Variants in CDHR1 observed in about 807,000 individuals in gnomAD.
CDHR1 encodes cadherin related family member 1.
Under a neutral mutation model 72.1 loss-of-function variants are expected in CDHR1, and 61 were observed. That is an observed-to-expected ratio of 0.85 (90% CI 0.69 to 1.05). The LOEUF is 1.05. Ranked by LOEUF, CDHR1 falls within the 50% of genes least tolerant of loss-of-function variation. CDHR1 has a pLI of 0.00. For missense variants in CDHR1, 1,186 were observed against 1,115.7 expected, an observed-to-expected ratio of 1.06 and a Z score of -0.90; for synonymous variants, 470 against 448.1, an observed-to-expected ratio of 1.05 and a Z score of -0.62.
At chr10:84,208,508 C>G in intron 11 of CDHR1, 131 bp downstream of exon 11, 3 of 1,126,688 alleles carry the variant, frequency 2.7e-6, no homozygotes, top group Non-Finnish European at 3.9e-6. Context: ...ATGAATGAAA[C>G]AAGAAGTTGT....
Position 84,218,439 on chromosome 10 carries a change from G to T in CDHR1, c.*3818G>T. 1 of 985,420 alleles carries T rather than the reference G, an allele frequency of 1.0e-6. No individual in the cohort carries two copies. Among genetic ancestry groups the T allele is most frequent in the Non-Finnish European group, 1.2e-6 (1 of 829,924 alleles). The allele number at this position is 985,420 out of a possible 1,614,324, so 61.0% of individuals were successfully genotyped here. On this transcript the variant is annotated 3_prime_UTR_variant, in exon 17 of 17. Coordinates refer to ENST00000623527, the MANE Select transcript of CDHR1 (RefSeq NM_033100.4). ...TAATTTACTCAGCCATTCCTAGGGT[G>T]ACAAGTTTGGAGTATATCTTCTGTG...
intron 6 of CDHR1, among the ~76,000 whole-genome samples, chr10:84,201,588 A>G (rs561576849): frequency 6.6e-5 from 10 of 152,356 alleles, no homozygotes; most frequent in African/African-American, 2.2e-4. Context: ...AAGGCCCAAA[A>G]GGGAACCTTG....
chr10:84,217,766 G>A lies in CDHR1; in HGVS notation c.*3145G>A. 1.0e-6 allele frequency: 1 copy of A among 985,462 alleles called. No individual in the cohort carries two copies. Among genetic ancestry groups the A allele is most frequent in the Non-Finnish European group, 1.2e-6 (1 of 829,956 alleles). 61.0% of individuals were successfully genotyped at this position (985,462 alleles called of 1,614,324 possible). A position where few individuals can be genotyped will look rare whatever the true frequency, so the allele number is the denominator to read the frequency against. ...AAGCTTTTACTTCATGCTAGAAAAA[G>A]AGAAGAGAGTGGATCCAGAGGGGAG... is the stretch of plus-strand genomic sequence containing the variant. On this transcript the variant is annotated 3_prime_UTR_variant, in exon 17 of 17. Coordinates refer to ENST00000623527, the MANE Select transcript of CDHR1 (RefSeq NM_033100.4).
chr10:84,200,575 C>G (rs1348260448), intron 5 of CDHR1, 26 bp from the exon 6 acceptor site: 1 of 1,550,528 alleles, frequency 6.4e-7, no homozygotes, highest in Non-Finnish European at 8.9e-7. Flanking sequence ...GTCTCTGACC[C>G]TCCCCTGTGG....
chr10:84,195,807 A>G (rs962495233), intron 2 of CDHR1, among the ~76,000 whole-genome samples: 5 of 152,184 alleles, frequency 3.3e-5, no homozygotes, highest in Admixed American at 1.3e-4. Flanking sequence ...CCCCCCACAG[A>G]CAGGGTCGCC....
intron 15 of CDHR1, 32 bp from the exon 16 acceptor site, chr10:84,213,059 G>A: frequency 6.2e-7 from 1 of 1,614,154 alleles, no homozygotes; most frequent in Non-Finnish European, 8.5e-7. Context: ...TGTCCCCAAA[G>A]CCCAGCTCTG....
At position 84,212,054 on chromosome 10, in the gene CDHR1, A is replaced by G. The variant is rs899214578; in HGVS notation, c.1554-125A>G. 5 of 837,950 alleles carry G rather than the reference A, an allele frequency of 6.0e-6. No individual in the cohort carries two copies. The African/African-American group carries it at 8.4e-5, about 14-fold the overall frequency. 51.9% of individuals were successfully genotyped at this position (837,950 alleles called of 1,614,324 possible). A position where few individuals can be genotyped will look rare whatever the true frequency, so the allele number is the denominator to read the frequency against. On this transcript the variant is annotated intron_variant, in intron 14 of 16. Transcript: ENST00000623527. ...AAGGATAGGAGGGAGCAGGTAGGAC[A>G]CTTTGGAGGAGCTGCATGACACCTC... is the stretch of plus-strand genomic sequence containing the variant.
chr10:84,216,318 A>G lies in CDHR1; in HGVS notation c.*1697A>G. 2.0e-6 allele frequency: 2 copies of G among 985,468 alleles called. No individual in the cohort carries two copies. The highest frequency in any genetic ancestry group is 1.2e-6 in the Non-Finnish European group (1 of 829,946). 61.0% of individuals were successfully genotyped at this position (985,468 alleles called of 1,614,324 possible). ...GTGCAGAATCCTTGCTGGGGTTTCTACAGTCCCCAACGTGAACAGTATTAA... is the reference window on the plus strand; with the variant it reads ...GTGCAGAATCCTTGCTGGGGTTTCTGCAGTCCCCAACGTGAACAGTATTAA... On this transcript the variant is annotated 3_prime_UTR_variant, in exon 17 of 17. Transcript: ENST00000623527.
chr10:84,211,183 C>T lies in CDHR1; in HGVS notation c.1485+18C>T, dbSNP rs2132827961. The T allele has an allele frequency of 1.2e-6, 2 of 1,613,928 alleles. No homozygotes were observed. Among genetic ancestry groups the T allele is most frequent in the Non-Finnish European group, 1.7e-6 (2 of 1,179,824 alleles). ...CTGTCACAGTGGGTTGGGCACTGGC[C>T]CAGGGACTGGGTGGGATAGGAGGCC... is the stretch of plus-strand genomic sequence containing the variant. On this transcript the variant is annotated intron_variant, in intron 13 of 16. Coordinates refer to ENST00000623527, the MANE Select transcript of CDHR1 (RefSeq NM_033100.4).
rs547534493 is a variant in CDHR1 at position 84,208,218 on chromosome 10, C to T, written c.1008C>T (p.Thr336=). 6.2e-6 allele frequency: 10 copies of T among 1,613,990 alleles called. No homozygotes were observed. Among genetic ancestry groups the T allele is most frequent in the Non-Finnish European group, 8.5e-6 (10 of 1,180,040 alleles). Residue 336 remains threonine (T), a synonymous_variant, in exon 11 of 17, where the codon ACC becomes ACT. Transcript: ENST00000623527. ...CGGGGAGCCCAGCTGCCCAGGCCACCGTCCCAGTCACCATCAGGATTGTGG... is the reference window on the plus strand; with the variant it reads ...CGGGGAGCCCAGCTGCCCAGGCCACTGTCCCAGTCACCATCAGGATTGTGG... ...SPAGSPAAQA[T]VPVTIRIVDL... is the part of the protein sequence containing the mutation.
chr10:84,195,377 G>C (rs1014147729), intron 1 of CDHR1, 117 bp from the exon 2 acceptor site: 20 of 958,300 alleles, frequency 2.1e-5, no homozygotes, highest in Non-Finnish European at 3.1e-5. Context: ...TGGGGAGGCG[G>C]AGCGCCCTCC....
Position 84,212,159 on chromosome 10 carries a change from C to T in CDHR1, c.1554-20C>T, listed in dbSNP as rs1842343348. On this transcript the variant is annotated intron_variant, in intron 14 of 16. Coordinates refer to ENST00000623527, the MANE Select transcript of CDHR1 (RefSeq NM_033100.4). ...TGTGTATATGCGTGCACACCCATGC[C>T]TATGTGCTCTGCCTGGCAGCTTCCT... is the stretch of plus-strand genomic sequence containing the variant. 3 of 1,597,134 alleles carry T rather than the reference C, an allele frequency of 1.9e-6. No homozygotes were observed. Among genetic ancestry groups the T allele is most frequent in the Non-Finnish European group, 2.6e-6 (3 of 1,164,848 alleles).
rs142917517 is a variant in CDHR1, at chr10:84,214,218, G to A, written c.2177G>A (p.Arg726His). ...CTCATCTCCACCGCCACCTTCTGGC[G>A]CAACAAGAAGTCTAACAAGGTCCTG... ...TVLISTATFW[R>H]NKKSNKVLPM... The change falls in exon 17 of 17, where the codon CGC (arginine) becomes CAC (histidine). Residue 726 changes from arginine to histidine, a missense_variant. Transcript: ENST00000623527. 2 of 1,614,080 alleles carry A rather than the reference G, an allele frequency of 1.2e-6. No homozygotes were observed. Among genetic ancestry groups the A allele is most frequent in the Non-Finnish European group, 1.7e-6 (2 of 1,180,026 alleles).
At position 84,200,654 on chromosome 10, in the gene CDHR1, A is replaced by G. The variant is rs2132799597; in HGVS notation, c.492A>G (p.Thr164=). 2 of 1,612,110 alleles carry G rather than the reference A, an allele frequency of 1.2e-6. No homozygotes were observed. Among genetic ancestry groups the G allele is most frequent in the Non-Finnish European group, 8.5e-7 (1 of 1,179,132 alleles). Residue 164 remains threonine (T), a synonymous_variant, in exon 6 of 17, where the codon ACA becomes ACG. Transcript: ENST00000623527. ...AGGTCCATGCAGTGGACAGGGACAC[A>G]GGCTCTGGAGGGAGTGTCACCTACT... ...IFKVHAVDRD[T]GSGGSVTYFL... is the part of the protein sequence containing the mutation.
At chr10:84,205,617 G>A (rs1842210815) in intron 9 of CDHR1, 1 of 621,228 alleles carries the variant, frequency 1.6e-6, no homozygotes. Context: ...CTGGACAGAA[G>A]TGAGTTCAAG....
Position 84,194,798 on chromosome 10 carries a change from T to G in CDHR1, c.38T>G (p.Leu13Arg). 1 of 1,532,304 alleles carries G rather than the reference T, an allele frequency of 6.5e-7. No homozygotes were observed. The highest frequency in any genetic ancestry group is 1.4e-5 in the African/African-American group (1 of 72,994). The allele number at this position is 1,532,304 out of a possible 1,614,324, so 94.9% of individuals were successfully genotyped here. A position where few individuals can be genotyped will look rare whatever the true frequency, so the allele number is the denominator to read the frequency against. The change falls in exon 1 of 17, where the codon CTG becomes CGG. Residue 13 changes from leucine to arginine, a missense_variant. By Grantham distance (102) the Leu-to-Arg change is moderately radical (BLOSUM62 -2). Transcript: ENST00000623527. ...RCRWAALALG[L>R]LRLCLAQANF... Reference sequence around the variant, plus strand: ...CGGTGGGCCGCCCTGGCCCTGGGGCTGCTGCGCCTCTGCTTGGGTGAGTGG... The same window carrying G: ...CGGTGGGCCGCCCTGGCCCTGGGGCGGCTGCGCCTCTGCTTGGGTGAGTGG...
intron 4 of CDHR1, 104 bp downstream of exon 4, chr10:84,197,940 C>T (rs572359295): frequency 4.8e-5 from 54 of 1,118,900 alleles, no homozygotes; most frequent in Admixed American, 2.0e-4. Flanking sequence ...GGCTTTTCTG[C>T]AAGTTTAAGC....
intron 5 of CDHR1, 54 bp from the exon 6 acceptor site, chr10:84,200,547 C>A: frequency 7.8e-7 from 1 of 1,276,200 alleles, no homozygotes; most frequent in South Asian, 1.3e-5. Context: ...CCTCTGTCCC[C>A]CTGAGAATGC....
chr10:84,207,156 G>C (rs944919584), intron 10 of CDHR1, among the ~76,000 whole-genome samples: 3 of 152,138 alleles, frequency 2.0e-5, no homozygotes, highest in African/African-American at 7.2e-5. Context: ...ACAGGTAGCT[G>C]TGGAAGGCAT....
Sources: allele counts gnomAD v4.1 joint callset (sites outside exome capture counted in the v4.1 genomes callset), GRCh38; gene constraint gnomAD v4.1.1; transcripts MANE v1.5; gene names NCBI Gene and HGNC (gene_info 2026-07-23, HGNC 2026-07-21).